Variants in SOX6 observed in about 807,000 individuals in gnomAD.
SOX6 encodes transcription factor SOX-6.
SOX6 carries 11 observed loss-of-function variants against 97.8 expected under a neutral mutation model. The observed-to-expected ratio is 0.11, with a 90% CI of 0.07 to 0.19. The LOEUF is 0.19. Ranked by LOEUF, SOX6 falls within the 10% of genes least tolerant of loss-of-function variation. SOX6 has a pLI of 1.00. For synonymous variants in SOX6, 360 were observed against 371.4 expected (o/e 0.97, Z 0.35); for missense variants, 810 against 1,039.5 (o/e 0.78, Z 3.04).
At chr11:16,482,873 TTTTG>T (rs376039248) in intron 4 of SOX6, among the ~76,000 whole-genome samples, 8 of 152,224 alleles carry the variant, frequency 5.3e-5, no homozygotes, top group South Asian at 2.1e-4. Flanking sequence ...GAAACTGCCT[TTTTG>T]TTTGTTTGTT....
rs1180509431 is a variant in SOX6 at position 15,969,946 on chromosome 11, A to C, written c.*2863T>G. ...TCAGATCATTCCTGAATAGCCTTTC[A>C]TTTTTAAGAACATGGCTAAAAGTAA... On this transcript the variant is annotated 3_prime_UTR_variant, in exon 16 of 16. Coordinates refer to ENST00000683767, the MANE Select transcript of SOX6 (RefSeq NM_001367873.1). 6.6e-6 allele frequency: 1 copy of C among 152,248 alleles called. No individual in the cohort carries two copies. The highest frequency in any genetic ancestry group is 1.5e-5 in the Non-Finnish European group (1 of 68,036). 9.4% of individuals were successfully genotyped at this position (152,248 alleles called of 1,614,324 possible).
At chr11:16,326,672 G>T (rs746246852) in intron 2 of SOX6, among the ~76,000 whole-genome samples, 6 of 152,108 alleles carry the variant, frequency 3.9e-5, no homozygotes, top group Non-Finnish European at 5.9e-5. Context: ...GAATTACCAA[G>T]AAGTAACTTG....
At chr11:16,139,619 T>C (rs1850074501) in intron 6 of SOX6, among the ~76,000 whole-genome samples, 2 of 152,084 alleles carry the variant, frequency 1.3e-5, no homozygotes, top group Non-Finnish European at 2.9e-5. Context: ...AATAATAAAA[T>C]ATTCCAGACT....
intron 3 of SOX6, among the ~76,000 whole-genome samples, chr11:16,242,153 G>C (rs1228372798): frequency 6.6e-6 from 1 of 152,032 alleles, no homozygotes; most frequent in Non-Finnish European, 1.5e-5. Flanking sequence ...ACAGTCATGA[G>C]CTGCATAAAG....
intron 1 of SOX6, among the ~76,000 whole-genome samples, chr11:16,378,542 A>G (rs954203107): frequency 2.0e-5 from 3 of 152,140 alleles, no homozygotes; most frequent in Admixed American, 2.0e-4. Context: ...TAGTGTTTAA[A>G]AGATGAATGA....
At chr11:16,546,776 C>A (rs1847626416) in intron 4 of SOX6, among the ~76,000 whole-genome samples, 1 of 151,908 alleles carries the variant, frequency 6.6e-6, no homozygotes, top group African/African-American at 2.4e-5. Flanking sequence ...TATATTAAAC[C>A]AAAAAGCTTC....
At chr11:16,645,613 T>C (rs931633517) in intron 3 of SOX6, among the ~76,000 whole-genome samples, 6 of 152,232 alleles carry the variant, frequency 3.9e-5, no homozygotes, top group Admixed American at 3.9e-4. Context: ...CATAACAAAA[T>C]GGCCACATGA....
intron 1 of SOX6, among the ~76,000 whole-genome samples, chr11:16,352,430 A>G (rs1476412166): frequency 6.6e-6 from 1 of 152,066 alleles, no homozygotes; most frequent in Non-Finnish European, 1.5e-5. Context: ...TCTTAGAGCA[A>G]CTCTAGAAGT....
chr11:16,240,275 A>AGTGTGTGT (rs4031660), intron 3 of SOX6, among the ~76,000 whole-genome samples: 10,096 of 128,978 alleles, frequency 0.078, 471 homozygotes, highest in East Asian at 0.18. Context: ...TAGATAATAT[A>AGTGTGTGT]GTGTGTGTGT....
intron 1 of SOX6, among the ~76,000 whole-genome samples, chr11:16,473,345 G>C (rs1860175546): frequency 6.6e-6 from 1 of 152,090 alleles, no homozygotes. Flanking sequence ...CTGTACTCTG[G>C]TAAGTGTACA....
chr11:16,523,264 G>A (rs1413200737), intron 4 of SOX6, among the ~76,000 whole-genome samples: 1 of 152,038 alleles, frequency 6.6e-6, no homozygotes, highest in East Asian at 1.9e-4. Flanking sequence ...TAAAAGAACA[G>A]AAATTATAAC....
At chr11:16,172,352 T>C (rs1379637854) in intron 6 of SOX6, among the ~76,000 whole-genome samples, 1 of 152,136 alleles carries the variant, frequency 6.6e-6, no homozygotes, top group Non-Finnish European at 1.5e-5. Flanking sequence ...TATATAGCCG[T>C]AATGTCAGGA....
At chr11:16,117,338 C>A (rs1027210690) in intron 6 of SOX6, among the ~76,000 whole-genome samples, 2 of 149,906 alleles carry the variant, frequency 1.3e-5, no homozygotes, top group African/African-American at 2.5e-5. Flanking sequence ...GGCGACAGAG[C>A]GAGACTCCAT....
intron 9 of SOX6, among the ~76,000 whole-genome samples, chr11:16,082,851 G>A (rs1260651006): frequency 6.6e-6 from 1 of 152,122 alleles, no homozygotes; most frequent in Non-Finnish European, 1.5e-5. Context: ...AGTGTAAAAG[G>A]CACTCTGTGA....
intron 2 of SOX6, among the ~76,000 whole-genome samples, chr11:16,324,210 A>C (rs190690152): frequency 1.7e-3 from 256 of 152,230 alleles, no homozygotes; most frequent in African/African-American, 4.4e-3. Flanking sequence ...AACAAACAAA[A>C]AAAATCAAAC....
intron 6 of SOX6, among the ~76,000 whole-genome samples, chr11:16,168,395 T>A (rs763798882): frequency 4.6e-5 from 7 of 152,166 alleles, no homozygotes; most frequent in Non-Finnish European, 8.8e-5. Flanking sequence ...AAGCTTAACC[T>A]AATTAATTCA....
intron 4 of SOX6, among the ~76,000 whole-genome samples, chr11:16,500,712 G>T (rs139500436): frequency 1.6e-4 from 25 of 152,242 alleles, no homozygotes. Context: ...ATTCACAATT[G>T]CTTCAAAGAG....
At chr11:16,453,581 T>C (rs1025350099) in intron 1 of SOX6, among the ~76,000 whole-genome samples, 12 of 152,128 alleles carry the variant, frequency 7.9e-5, no homozygotes, top group African/African-American at 2.9e-4. Flanking sequence ...TTACATGACA[T>C]AATTACATGT....
At chr11:15,987,442 C>T (rs4757378) in intron 14 of SOX6, among the ~76,000 whole-genome samples, 1 of 151,922 alleles carries the variant, frequency 6.6e-6, no homozygotes, top group East Asian at 1.9e-4. Context: ...CCCCAATTAA[C>T]GAAGAATTCT....
Sources: gnomAD v4.1 joint callset for allele counts (sites outside exome capture counted in the v4.1 genomes callset) on GRCh38, gnomAD v4.1.1 for gene constraint, MANE v1.5 for transcripts, NCBI Gene and HGNC (gene_info 2026-07-23, HGNC 2026-07-21) for gene names.